CPQ: variants seen among roughly 807,000 people sequenced by gnomAD.
The protein encoded by CPQ is Ser-Met dipeptidase.
A neutral mutation model predicts 45.7 loss-of-function variants in CPQ; 37 were observed. The observed-to-expected ratio is 0.81, with a 90% confidence interval of 0.62 to 1.07. The LOEUF (loss-of-function observed/expected upper bound fraction) is 1.07. Among genes scored for constraint, CPQ ranks in the 50% least tolerant of loss-of-function variants. The pLI is 0.00. For missense variants in CPQ, 537 were observed against 572.9 expected (o/e 0.94, Z 0.64); for synonymous variants, 186 against 205.8 (o/e 0.90, Z 0.82).
At chr8:96,766,461 C>T (rs377034121) in intron 1 of CPQ, among the ~76,000 whole-genome samples, 3 of 152,112 alleles carry the variant, frequency 2.0e-5, no homozygotes, top group Admixed American at 2.0e-4. Flanking sequence ...GTGGCTGGCC[C>T]TCTGAGCAAC....
At chr8:97,092,788 A>G (rs1420816945) in intron 7 of CPQ, 1 of 152,222 alleles carries the variant, frequency 6.6e-6, no homozygotes, top group East Asian at 1.9e-4. Context: ...GAAGACTCCA[A>G]AAGCAATTGT....
rs1297818950 is a variant in CPQ at position 96,743,270 on chromosome 8, G to T, written c.-34-41594G>T. Among the ~76,000 whole-genome samples, 3 of 151,786 alleles carry T rather than the reference G, an allele frequency of 2.0e-5. No homozygotes were observed. In the South Asian group the frequency reaches 6.3e-4, roughly 32 times the overall value. On this transcript the variant is annotated intron_variant, in intron 1 of 7. Coordinates refer to ENST00000220763, the MANE Select transcript of CPQ (RefSeq NM_016134.4). ...CCCTTTCTTCCAGTTGATCGCATCG[G>T]CTCCTGAGGCTTCTGCATTCTTCAC...
chr8:96,994,393 G>A (rs1272722438), intron 5 of CPQ, among the ~76,000 whole-genome samples: 1 of 152,096 alleles, frequency 6.6e-6, no homozygotes, highest in Non-Finnish European at 1.5e-5. Flanking sequence ...CAAAGTGAGT[G>A]GTCAGTAGGA....
chr8:96,750,791 C>T (rs972948906), intron 1 of CPQ, among the ~76,000 whole-genome samples: 2 of 152,030 alleles, frequency 1.3e-5, no homozygotes, highest in Non-Finnish European at 2.9e-5. Flanking sequence ...CTCCCCTGAA[C>T]CGCTCTCCCA....
chr8:96,913,395 G>T (rs776295980), intron 4 of CPQ, among the ~76,000 whole-genome samples: 1 of 152,092 alleles, frequency 6.6e-6, no homozygotes, highest in Admixed American at 6.6e-5. Context: ...TTACAAATGC[G>T]GTGTGCTTCC....
At chr8:96,815,726 GGC>G (rs1408630085) in intron 2 of CPQ, among the ~76,000 whole-genome samples, 4 of 152,024 alleles carry the variant, frequency 2.6e-5, no homozygotes, top group African/African-American at 9.7e-5. Flanking sequence ...TCTAGGTACA[GGC>G]ATCCCTCGGA....
intron 1 of CPQ, among the ~76,000 whole-genome samples, chr8:96,722,419 A>AC (rs770728324): frequency 6.6e-6 from 1 of 150,726 alleles, no homozygotes; most frequent in Non-Finnish European, 1.5e-5. Flanking sequence ...TAACCATACC[A>AC]GTTTTTTTTT....
intron 3 of CPQ, among the ~76,000 whole-genome samples, chr8:96,840,643 G>T (rs1325008402): frequency 1.3e-5 from 2 of 152,148 alleles, no homozygotes; most frequent in Admixed American, 1.3e-4. Flanking sequence ...CATTAGACAG[G>T]GAAGGACAGG....
intron 1 of CPQ, among the ~76,000 whole-genome samples, chr8:96,723,411 T>C (rs1809793625): frequency 6.6e-6 from 1 of 152,204 alleles, no homozygotes; most frequent in Admixed American, 6.5e-5. Flanking sequence ...GTATTGTTAT[T>C]TAGAGTGGTG....
chr8:96,854,299 AGGC>A (rs1220833957), intron 3 of CPQ, among the ~76,000 whole-genome samples: 1 of 151,786 alleles, frequency 6.6e-6, no homozygotes, highest in Non-Finnish European at 1.5e-5. Flanking sequence ...TGGGAGGCCG[AGGC>A]GGGCGGATCA....
At chr8:96,854,559 ATG>A (rs1811820254) in intron 3 of CPQ, among the ~76,000 whole-genome samples, 1 of 134,744 alleles carries the variant, frequency 7.4e-6, no homozygotes, top group African/African-American at 2.8e-5. Context: ...AAAAAAAAAA[ATG>A]TGGTGGAACT....
In CPQ at chr8:97,066,172, G is replaced by A; in HGVS notation, c.1217G>A (p.Gly406Glu). ...NITQVLSHGE[G>E]TDINFWIQAG... ...ACTCAGGTCCTGAGCCATGGAGAAG[G>A]GACAGACATCAACTTTTGGATCCAA... The change falls in exon 7 of 8, where the codon GGG becomes GAG. Residue 406 changes from glycine to glutamate, a missense_variant. Transcript: ENST00000220763. 1.2e-6 allele frequency: 2 copies of A among 1,610,928 alleles called. No individual in the cohort carries two copies. Among genetic ancestry groups the A allele is most frequent in the Non-Finnish European group, 1.7e-6 (2 of 1,179,080 alleles).
rs768062884 is a variant in CPQ at position 97,029,541 on chromosome 8, C to T, written c.1053+47C>T. 10 of 1,491,942 alleles carry T rather than the reference C, an allele frequency of 6.7e-6. No individual in the cohort carries two copies. The Admixed American group carries it at 1.1e-4, about 17-fold the overall frequency. The allele number at this position is 1,491,942 out of a possible 1,614,324, so 92.4% of individuals were successfully genotyped here. A position where few individuals can be genotyped will look rare whatever the true frequency, so the allele number is the denominator to read the frequency against. Reference sequence around the variant, plus strand: ...GCTAAGCATTTGTACATGTAATATACAAAAATCCCTCTCATTGTCCATTTA... The same window carrying T: ...GCTAAGCATTTGTACATGTAATATATAAAAATCCCTCTCATTGTCCATTTA... On this transcript the variant is annotated intron_variant, in intron 6 of 7. Coordinates refer to ENST00000220763, the MANE Select transcript of CPQ (RefSeq NM_016134.4).
chr8:96,744,048 G>A (rs1810136887), intron 1 of CPQ, among the ~76,000 whole-genome samples: 1 of 152,230 alleles, frequency 6.6e-6, no homozygotes, highest in South Asian at 2.1e-4. Flanking sequence ...AGCAAGCCTG[G>A]GCAATGGCGG....
chr8:96,863,846 CTT>C (rs1423171452), intron 3 of CPQ, among the ~76,000 whole-genome samples: 2 of 151,932 alleles, frequency 1.3e-5, no homozygotes, highest in African/African-American at 2.4e-5. Context: ...CACTTAATGG[CTT>C]TTAAAGTTGT....
intron 5 of CPQ, among the ~76,000 whole-genome samples, chr8:97,026,704 C>A (rs2130465111): frequency 1.3e-5 from 2 of 152,306 alleles, no homozygotes; most frequent in South Asian, 4.1e-4. Context: ...GCTTGTTAGT[C>A]TTTTTAGGGC....
At chr8:96,889,180 A>T (rs1170827942) in intron 4 of CPQ, among the ~76,000 whole-genome samples, 2 of 152,220 alleles carry the variant, frequency 1.3e-5, no homozygotes, top group Non-Finnish European at 2.9e-5. Flanking sequence ...GAGTTTTAGC[A>T]GTGGATTTGC....
intron 1 of CPQ, among the ~76,000 whole-genome samples, chr8:96,673,792 T>C (rs1809036920): frequency 6.6e-6 from 1 of 152,128 alleles, no homozygotes; most frequent in Non-Finnish European, 1.5e-5. Context: ...GCTGACTAGA[T>C]AGCTGTGGGT....
intron 5 of CPQ, among the ~76,000 whole-genome samples, chr8:96,993,649 G>T (rs562260750): frequency 6.6e-6 from 1 of 152,158 alleles, no homozygotes; most frequent in African/African-American, 2.4e-5. Flanking sequence ...AAGCCTGTAT[G>T]TCAAATTTTA....
Sources: allele counts gnomAD v4.1 joint callset (sites outside exome capture counted in the v4.1 genomes callset), GRCh38; gene constraint gnomAD v4.1.1; transcripts MANE v1.5; gene names NCBI Gene and HGNC (gene_info 2026-07-23, HGNC 2026-07-21).